The following TAS2R1 variants were observed in gnomAD, a reference collection of about 807,000 sequenced individuals.
TAS2R1 encodes the protein taste receptor type 2 member 1.
For synonymous variants in TAS2R1, 141 were observed against 134.2 expected (o/e 1.05, Z -0.35); for missense variants, 370 against 353.4 (o/e 1.05, Z -0.38).
chr5:9,677,139 G>A (rs926086859), intron 1 of TAS2R1, among the ~76,000 whole-genome samples: 5 of 152,194 alleles, frequency 3.3e-5, no homozygotes, highest in Non-Finnish European at 7.3e-5. Flanking sequence ...ATTATCGTTA[G>A]CAAACTAACT....
chr5:9,763,251 T>C, the TAS2R1 span, among the ~76,000 whole-genome samples: 1 of 152,148 alleles, frequency 6.6e-6, no homozygotes, highest in Admixed American at 6.5e-5. Flanking sequence ...ACGCCTGTAA[T>C]CCCAACACTT....
upstream of TAS2R1, among the ~76,000 whole-genome samples, chr5:9,632,497 G>T (rs991184761): frequency 6.6e-6 from 1 of 152,212 alleles, no homozygotes; most frequent in African/African-American, 2.4e-5. Context: ...TCTGTAGCAT[G>T]TGATGCTGTC....
chr5:9,820,171 G>T, the TAS2R1 span, among the ~76,000 whole-genome samples: 1 of 152,132 alleles, frequency 6.6e-6, no homozygotes, highest in Non-Finnish European at 1.5e-5. Context: ...ATTTTCACCT[G>T]CATTCCATTG....
At chr5:9,666,521 A>G (rs1217244682) in intron 1 of TAS2R1, among the ~76,000 whole-genome samples, 1 of 152,208 alleles carries the variant, frequency 6.6e-6, no homozygotes, top group Non-Finnish European at 1.5e-5. Flanking sequence ...GTTGAGAGGA[A>G]TGAAAGCCTG....
intron 1 of TAS2R1, among the ~76,000 whole-genome samples, chr5:9,670,997 C>T (rs1740740901): frequency 6.6e-6 from 1 of 152,124 alleles, no homozygotes; most frequent in Non-Finnish European, 1.5e-5. Context: ...TTATGTAAAT[C>T]AATAAATGTG....
intron 1 of TAS2R1, among the ~76,000 whole-genome samples, chr5:9,692,072 T>C (rs951166016): frequency 2.0e-5 from 3 of 152,190 alleles, no homozygotes; most frequent in African/African-American, 7.2e-5. Flanking sequence ...TCTCTGGGCT[T>C]GTGTCCTCAT....
the TAS2R1 span, among the ~76,000 whole-genome samples, chr5:9,778,670 G>T: frequency 2.6e-5 from 4 of 152,182 alleles, no homozygotes; most frequent in Non-Finnish European, 5.9e-5. Context: ...TATGGAGATG[G>T]CTTACTTCCT....
chr5:9,820,214 C>T, the TAS2R1 span, among the ~76,000 whole-genome samples: 1 of 152,126 alleles, frequency 6.6e-6, no homozygotes, highest in Non-Finnish European at 1.5e-5. Context: ...AAGGAAGTCA[C>T]TAGAAAGAAA....
At chr5:9,823,727 G>A in the TAS2R1 span, among the ~76,000 whole-genome samples, 12,321 of 151,216 alleles carry the variant, frequency 0.081, 596 homozygotes, top group East Asian at 0.18. Flanking sequence ...ACAGATGGAC[G>A]GAGGGAGGAA....
At chr5:9,835,336 A>G in the TAS2R1 span, among the ~76,000 whole-genome samples, 42 of 152,160 alleles carry the variant, frequency 2.8e-4, no homozygotes, top group Non-Finnish European at 1.0e-4. Flanking sequence ...ATGTGACGCT[A>G]CACTAGAAAC....
chr5:9,888,139 G>A, the TAS2R1 span, among the ~76,000 whole-genome samples: 1 of 151,926 alleles, frequency 6.6e-6, no homozygotes, highest in Admixed American at 6.6e-5. Flanking sequence ...GCCCCCATCT[G>A]CACCATGCCC....
chr5:9,832,803 G>T, the TAS2R1 span, among the ~76,000 whole-genome samples: 1 of 152,210 alleles, frequency 6.6e-6, no homozygotes, highest in Non-Finnish European at 1.5e-5. Context: ...ACCGAAAGTT[G>T]TCTGAGACAG....
intron 2 of TAS2R1, among the ~76,000 whole-genome samples, chr5:9,644,411 G>A (rs952774341): frequency 5.9e-5 from 9 of 152,130 alleles, no homozygotes; most frequent in African/African-American, 2.2e-4. Flanking sequence ...AGTTGGCTTT[G>A]ATGGGGAGTG....
At chr5:9,646,582 T>TA (rs1740195019) in intron 2 of TAS2R1, among the ~76,000 whole-genome samples, 2 of 152,198 alleles carry the variant, frequency 1.3e-5, no homozygotes, top group Admixed American at 6.5e-5. Context: ...CCTTCAAAGA[T>TA]ACAATACTTC....
chr5:9,704,377 C>A (rs180984635), intron 1 of TAS2R1, among the ~76,000 whole-genome samples: 1,534 of 149,618 alleles, frequency 0.01, 22 homozygotes, highest in African/African-American at 0.036. Context: ...AAAAAAAAAT[C>A]AGATATTACA....
At chr5:9,674,267 T>C (rs1222960492) in intron 1 of TAS2R1, among the ~76,000 whole-genome samples, 2 of 152,214 alleles carry the variant, frequency 1.3e-5, no homozygotes, top group Non-Finnish European at 2.9e-5. Flanking sequence ...TATATGATGA[T>C]AGTATATTAT....
At chr5:9,890,661 T>C in the TAS2R1 span, among the ~76,000 whole-genome samples, 305 of 152,366 alleles carry the variant, frequency 2.0e-3, 2 homozygotes, top group African/African-American at 7.0e-3. Context: ...CAAAGACTGA[T>C]ATTTTAAACA....
chr5:9,667,280 C>A (rs1355323532), intron 1 of TAS2R1, among the ~76,000 whole-genome samples: 1 of 152,168 alleles, frequency 6.6e-6, no homozygotes, highest in Non-Finnish European at 1.5e-5. Context: ...ACTCTACCTA[C>A]CCCCACCTCT....
At chr5:9,856,749 A>C in the TAS2R1 span, among the ~76,000 whole-genome samples, 9,017 of 152,290 alleles carry the variant, frequency 0.059, 396 homozygotes, top group East Asian at 0.22. Flanking sequence ...GAAAGAAATC[A>C]CCATGAGTAA....
Sources: gnomAD v4.1 joint callset for allele counts (sites outside exome capture counted in the v4.1 genomes callset) on GRCh38, gnomAD v4.1.1 for gene constraint, MANE v1.5 for transcripts, NCBI Gene and HGNC (gene_info 2026-07-23, HGNC 2026-07-21) for gene names.